GAB2: variants seen among roughly 807,000 people sequenced by gnomAD.
GAB2 encodes the protein GRB2 associated binding protein 2, also known as GRB2-associated-binding protein 2.
A neutral mutation model predicts 65.5 loss-of-function variants in GAB2; 26 were observed. That is an observed-to-expected ratio of 0.40 (90% CI 0.29 to 0.55). GAB2 has a LOEUF of 0.55. GAB2 is among the 20% of genes least tolerant of loss of function. The pLI, the probability that GAB2 is intolerant of heterozygous loss-of-function variation, is 0.53. For synonymous variants in GAB2, 321 were observed against 329.6 expected (o/e 0.97, Z 0.28); for missense variants, 884 against 875.8 (o/e 1.01, Z -0.12).
chr11:78,316,510 G>A (rs1176371186), intron 1 of GAB2, among the ~76,000 whole-genome samples: 3 of 152,098 alleles, frequency 2.0e-5, no homozygotes, highest in Non-Finnish European at 4.4e-5. Context: ...CTCCAAAGAA[G>A]GGATACAAAA....
intron 1 of GAB2, among the ~76,000 whole-genome samples, chr11:78,407,772 G>C (rs552920602): frequency 6.8e-6 from 1 of 147,482 alleles, no homozygotes; most frequent in African/African-American, 2.5e-5. Context: ...AAGAAAGAGA[G>C]AGAAAGAAAG....
chr11:78,415,091 C>T (rs540122764), intron 1 of GAB2, among the ~76,000 whole-genome samples: 1 of 152,240 alleles, frequency 6.6e-6, no homozygotes, highest in African/African-American at 2.4e-5. Context: ...AGGCTGGTCT[C>T]GAACTTCTGA....
rs574489951 is a variant in GAB2 at position 78,359,647 on chromosome 11, T to C, written c.75+57999A>G. ...AAAGACGAGCACAGATATTGATAAA[T>C]ACATGGGAAATCTGAACACTTCCAG... On this transcript the variant is annotated intron_variant, in intron 1 of 9. Transcript: ENST00000361507. 5.8e-4 allele frequency among the ~76,000 whole-genome samples: 89 copies of C among 152,264 alleles called. 1 individual carries two copies. The highest frequency in any genetic ancestry group is 5.9e-4 in the Non-Finnish European group (40 of 68,008).
chr11:78,248,293 T>C (rs1865352064), intron 3 of GAB2, among the ~76,000 whole-genome samples: 2 of 152,174 alleles, frequency 1.3e-5, no homozygotes, highest in Non-Finnish European at 2.9e-5. Flanking sequence ...TCTACGTTTG[T>C]TCTCTGATGC....
At chr11:78,381,674 T>TAAA (rs35326292) in intron 1 of GAB2, among the ~76,000 whole-genome samples, 9 of 145,524 alleles carry the variant, frequency 6.2e-5, no homozygotes, top group Admixed American at 3.4e-4. Flanking sequence ...GGTAAATAGA[T>TAAA]AAAAAAAAAA....
intron 3 of GAB2, among the ~76,000 whole-genome samples, chr11:78,231,536 G>A (rs1590950110): frequency 6.6e-6 from 1 of 152,212 alleles, no homozygotes; most frequent in Admixed American, 6.5e-5. Context: ...ATTTAGTAGA[G>A]ACGGGGTTTC....
At chr11:78,266,158 T>A (rs1301031713) in intron 2 of GAB2, among the ~76,000 whole-genome samples, 1 of 124,170 alleles carries the variant, frequency 8.1e-6, no homozygotes, top group Non-Finnish European at 1.6e-5. Context: ...GAGGCTGCAG[T>A]GAGCCAAGAT....
intron 1 of GAB2, among the ~76,000 whole-genome samples, chr11:78,365,835 C>A (rs1232900658): frequency 6.6e-6 from 1 of 152,196 alleles, no homozygotes; most frequent in East Asian, 1.9e-4. Context: ...ATACACAGGT[C>A]CAAATTCCGC....
chr11:78,382,810 T>G lies in GAB2; in HGVS notation c.75+34836A>C, dbSNP rs1239155565. 2.0e-5 allele frequency among the ~76,000 whole-genome samples: 3 copies of G among 152,218 alleles called. 1 individual carries two copies. The highest frequency in any genetic ancestry group is 4.8e-5 in the African/African-American group (2 of 41,442). On this transcript the variant is annotated intron_variant, in intron 1 of 9. Coordinates refer to ENST00000361507, the MANE Select transcript of GAB2 (RefSeq NM_080491.3). ...GATTTGAGAGCAGAAAACATTTATT[T>G]TATTTGTTACTAAAACAAGGAACTC...
intron 4 of GAB2, among the ~76,000 whole-genome samples, 163 bp downstream of exon 4, chr11:78,226,302 C>G (rs547971022): frequency 6.6e-6 from 1 of 152,302 alleles, no homozygotes; most frequent in East Asian, 1.9e-4. Flanking sequence ...GGAGGACCAA[C>G]TGGTAAGGGA....
intron 1 of GAB2, among the ~76,000 whole-genome samples, chr11:78,380,589 C>G (rs1221320796): frequency 6.6e-6 from 1 of 152,194 alleles, no homozygotes; most frequent in African/African-American, 2.4e-5. Flanking sequence ...GCCTCTATAA[C>G]ATTGCCTAAA....
chr11:78,255,447 A>G (rs1865570258), intron 2 of GAB2, among the ~76,000 whole-genome samples: 2 of 152,194 alleles, frequency 1.3e-5, no homozygotes, highest in South Asian at 4.1e-4. Context: ...TTATCTCAGG[A>G]AAAATAATTA....
rs1222918374 is a variant in GAB2, at chr11:78,244,389, C to G, written c.620+5768G>C. Among the ~76,000 whole-genome samples, 6 of 144,742 alleles carry G rather than the reference C, an allele frequency of 4.1e-5. No individual in the cohort carries two copies. In the South Asian group the frequency reaches 1.4e-3, roughly 34 times the overall value. The allele number at this position is 144,742 out of a possible 152,430, so 95.0% of individuals were successfully genotyped here. On this transcript the variant is annotated intron_variant, in intron 3 of 9. Coordinates refer to ENST00000361507, the MANE Select transcript of GAB2 (RefSeq NM_080491.3). ...CCTGTACGACAGAGGGAGATTCTGTCTCAAAAGAAAGAAAAAAAAAAGACA... is the reference window on the plus strand; with the variant it reads ...CCTGTACGACAGAGGGAGATTCTGTGTCAAAAGAAAGAAAAAAAAAAGACA...
intron 1 of GAB2, among the ~76,000 whole-genome samples, chr11:78,361,587 G>A (rs1465172785): frequency 6.6e-6 from 1 of 152,148 alleles, no homozygotes; most frequent in Non-Finnish European, 1.5e-5. Flanking sequence ...ATAAGCAAAT[G>A]TTCACAGACA....
chr11:78,346,703 A>T lies in GAB2; in HGVS notation c.76-65802T>A, dbSNP rs1257944981. ...TATATATATATATATATATATATAT[A>T]TATATATATATATATATAATTTTTT... On this transcript the variant is annotated intron_variant, in intron 1 of 9. Transcript: ENST00000361507. Among the ~76,000 whole-genome samples, 37 of 95,028 alleles carry T rather than the reference A, an allele frequency of 3.9e-4. 1 individual carries two copies. Among genetic ancestry groups the T allele is most frequent in the South Asian group, 1.4e-3 (4 of 2,958 alleles). The allele number at this position is 95,028 out of a possible 152,430, so 62.3% of individuals were successfully genotyped here.
At chr11:78,274,793 G>C (rs1467977982) in intron 2 of GAB2, among the ~76,000 whole-genome samples, 1 of 152,214 alleles carries the variant, frequency 6.6e-6, no homozygotes, top group African/African-American at 2.4e-5. Flanking sequence ...GGTGCTTCCA[G>C]TACAATGCAT....
At chr11:78,377,780 G>A (rs940899979) in intron 1 of GAB2, among the ~76,000 whole-genome samples, 5 of 152,096 alleles carry the variant, frequency 3.3e-5, no homozygotes, top group Non-Finnish European at 7.4e-5. Flanking sequence ...ACGTAGTTAA[G>A]TACACAATAA....
At chr11:78,403,000 T>C (rs1427749493) in intron 1 of GAB2, among the ~76,000 whole-genome samples, 1 of 152,226 alleles carries the variant, frequency 6.6e-6, no homozygotes, top group Non-Finnish European at 1.5e-5. Flanking sequence ...CTGAGGAGCT[T>C]CTTTCCCTCT....
At chr11:78,246,015 C>T (rs369920023) in intron 3 of GAB2, among the ~76,000 whole-genome samples, 38 of 151,226 alleles carry the variant, frequency 2.5e-4, no homozygotes, top group African/African-American at 7.5e-4. Context: ...GCGCAACCTC[C>T]GCCTCCAGGG....
Sources: gnomAD v4.1 joint callset for allele counts (sites outside exome capture counted in the v4.1 genomes callset) on GRCh38, gnomAD v4.1.1 for gene constraint, MANE v1.5 for transcripts, NCBI Gene and HGNC (gene_info 2026-07-23, HGNC 2026-07-21) for gene names.